The following SNAP91 variants were observed in gnomAD, a reference collection of about 807,000 sequenced individuals.
The protein encoded by SNAP91 is synaptosome associated protein 91.
Under a neutral mutation model 100.3 loss-of-function variants are expected in SNAP91, and 27 were observed. The observed-to-expected ratio is 0.27, with a 90% CI of 0.20 to 0.37. SNAP91 has a LOEUF of 0.37. Among genes scored for constraint, SNAP91 ranks in the 10% least tolerant of loss-of-function variants. SNAP91 has a pLI of 1.00. For missense variants in SNAP91, 986 were observed against 1,123.7 expected, an observed-to-expected ratio of 0.88 and a Z score of 1.75; for synonymous variants, 404 against 398.6, an observed-to-expected ratio of 1.01 and a Z score of -0.16.
At chr6:83,574,018 C>G (rs1813518129) in intron 26 of SNAP91, among the ~76,000 whole-genome samples, 2 of 152,134 alleles carry the variant, frequency 1.3e-5, no homozygotes, top group Non-Finnish European at 2.9e-5. Context: ...AACAGGCAAC[C>G]TACAGAATGG....
chr6:83,605,553 C>T, intron 14 of SNAP91, 132 bp downstream of exon 14: 1 of 1,214,786 alleles, frequency 8.2e-7, no homozygotes. Flanking sequence ...AAATGCCATT[C>T]TTAACATTTT....
chr6:83,688,666 G>A (rs1265601792), intron 2 of SNAP91, among the ~76,000 whole-genome samples: 3 of 152,004 alleles, frequency 2.0e-5, no homozygotes, highest in Non-Finnish European at 4.4e-5. Context: ...ATCACACCCA[G>A]CTAAATTTTT....
At chr6:83,597,999 A>G (rs2094674568) in intron 16 of SNAP91, among the ~76,000 whole-genome samples, 1 of 152,190 alleles carries the variant, frequency 6.6e-6, no homozygotes, top group Non-Finnish European at 1.5e-5. Flanking sequence ...TTTGCAGACT[A>G]CTAACCTTAT....
Position 83,570,079 on chromosome 6 carries a change from G to C in SNAP91, c.2442+4931C>G, listed in dbSNP as rs145172153. Among the ~76,000 whole-genome samples, 1,237 of 152,200 alleles carry C rather than the reference G, an allele frequency of 8.1e-3. 18 individuals are homozygous for C. The highest frequency in any genetic ancestry group is 0.028 in the African/African-American group (1,146 of 41,534). ...AACAGGCAGAGGTTGGGACAGTTTG[G>C]AGGGCTCAGAAGAAGATGGGAAAAT... is the stretch of plus-strand genomic sequence containing the variant. On this transcript the variant is annotated intron_variant, in intron 26 of 29. Transcript: ENST00000369694.
intron 24 of SNAP91, among the ~76,000 whole-genome samples, chr6:83,578,447 A>G (rs556672552): frequency 6.6e-6 from 1 of 152,226 alleles, no homozygotes; most frequent in Admixed American, 6.5e-5. Flanking sequence ...TTTGATTTGC[A>G]TTTCACTGAT....
chr6:83,583,735 A>G (rs184438225), intron 22 of SNAP91, among the ~76,000 whole-genome samples: 220 of 152,332 alleles, frequency 1.4e-3, no homozygotes, highest in African/African-American at 5.1e-3. Context: ...CAATGTTTCA[A>G]AAAACATCCT....
intron 9 of SNAP91, among the ~76,000 whole-genome samples, chr6:83,620,956 G>C (rs1276283541): frequency 6.6e-6 from 1 of 152,054 alleles, no homozygotes; most frequent in East Asian, 1.9e-4. Context: ...GCCTGCCTCA[G>C]CCTCCCAAAG....
chr6:83,694,597 A>G (rs758164735), intron 2 of SNAP91, among the ~76,000 whole-genome samples: 1 of 152,196 alleles, frequency 6.6e-6, no homozygotes, highest in Non-Finnish European at 1.5e-5. Flanking sequence ...TAGGAAGAGA[A>G]CCCATTTCTC....
At chr6:83,644,248 G>T (rs1215389592) in intron 7 of SNAP91, among the ~76,000 whole-genome samples, 1 of 151,860 alleles carries the variant, frequency 6.6e-6, no homozygotes, top group Non-Finnish European at 1.5e-5. Flanking sequence ...AAAATTGTTT[G>T]TATCCTTCAT....
At chr6:83,702,096 T>C (rs1175465550) in intron 2 of SNAP91, among the ~76,000 whole-genome samples, 2 of 152,158 alleles carry the variant, frequency 1.3e-5, no homozygotes, top group East Asian at 3.8e-4. Flanking sequence ...AAATAAACAA[T>C]ACATTTTTCT....
At chr6:83,571,931 CT>C (rs1369655798) in intron 26 of SNAP91, among the ~76,000 whole-genome samples, 1 of 152,106 alleles carries the variant, frequency 6.6e-6, no homozygotes, top group Admixed American at 6.5e-5. Context: ...CTCATGAGAT[CT>C]GATGGTTTAA....
intron 7 of SNAP91, among the ~76,000 whole-genome samples, chr6:83,651,456 T>C (rs1285957553): frequency 1.3e-5 from 2 of 152,204 alleles, no homozygotes; most frequent in African/African-American, 2.4e-5. Flanking sequence ...CAGCATCATT[T>C]AGTTCAAAAT....
chr6:83,645,332 T>C (rs1289044425), intron 7 of SNAP91, among the ~76,000 whole-genome samples: 1 of 152,096 alleles, frequency 6.6e-6, no homozygotes. Context: ...ATTTCCCATA[T>C]TATCCCTGAT....
chr6:83,610,744 TATAA>T (rs200814456), intron 11 of SNAP91, 67 bp from the exon 12 acceptor site: 9,536 of 114,318 alleles, frequency 0.083, 1,174 homozygotes, highest in African/African-American at 0.14. Flanking sequence ...TATATATATA[TATAA>T]ATATATATGT....
chr6:83,681,005 G>A (rs1028410314), intron 2 of SNAP91, among the ~76,000 whole-genome samples: 2 of 152,108 alleles, frequency 1.3e-5, no homozygotes, highest in Non-Finnish European at 2.9e-5. Context: ...AACCTAATAT[G>A]TGTGCATAGT....
intron 29 of SNAP91, among the ~76,000 whole-genome samples, chr6:83,555,121 A>G (rs1215841276): frequency 1.3e-5 from 2 of 152,140 alleles, no homozygotes; most frequent in Non-Finnish European, 2.9e-5. Flanking sequence ...ACTTATGTCT[A>G]CATTAGCCAA....
chr6:83,603,671 A>G (rs1269776181), intron 14 of SNAP91, among the ~76,000 whole-genome samples: 3 of 152,148 alleles, frequency 2.0e-5, no homozygotes, highest in African/African-American at 7.2e-5. Context: ...CTGTAGTGAG[A>G]CAGATTAGAA....
chr6:83,571,668 C>T (rs2128036989), intron 26 of SNAP91, among the ~76,000 whole-genome samples: 1 of 152,272 alleles, frequency 6.6e-6, no homozygotes, highest in Non-Finnish European at 1.5e-5. Context: ...TCAGATGAGA[C>T]TCTGGACTGT....
At chr6:83,684,067 G>T (rs1416121783) in intron 2 of SNAP91, among the ~76,000 whole-genome samples, 1 of 152,062 alleles carries the variant, frequency 6.6e-6, no homozygotes, top group Non-Finnish European at 1.5e-5. Context: ...GCTCTCAAAA[G>T]TATAGTTCTA....
Sources: allele counts gnomAD v4.1 joint callset (sites outside exome capture counted in the v4.1 genomes callset), GRCh38; gene constraint gnomAD v4.1.1; transcripts MANE v1.5; gene names NCBI Gene and HGNC (gene_info 2026-07-23, HGNC 2026-07-21).